KATNAL1: variants seen among roughly 807,000 people sequenced by gnomAD.
The protein encoded by KATNAL1 is katanin catalytic subunit A1 like 1.
In KATNAL1, 32 loss-of-function variants were observed where a neutral mutation model predicts 55.2. The observed-to-expected ratio is 0.58, with a 90% confidence interval of 0.44 to 0.78. The LOEUF (loss-of-function observed/expected upper bound fraction) is 0.78. Ranked by LOEUF, KATNAL1 falls within the 30% of genes least tolerant of loss-of-function variation. The pLI is 0.00. For synonymous variants in KATNAL1, 193 were observed against 193.6 expected (o/e 1.00, Z 0.02); for missense variants, 466 against 600.9 (o/e 0.78, Z 2.35).
In KATNAL1 at chr13:30,207,785, C is replaced by T. The variant is rs1873289255; in HGVS notation, c.*755G>A. On this transcript the variant is annotated 3_prime_UTR_variant, in exon 11 of 11. Transcript: ENST00000380615. ...TCACGCACACACAAAAAAGTGAAAA[C>T]AAACTTGGAAGTCTAGAATGAAGAA... The T allele has an allele frequency of 6.6e-6, 1 of 152,100 alleles. No individual in the cohort carries two copies. The highest frequency in any genetic ancestry group is 1.5e-5 in the Non-Finnish European group (1 of 68,010). 9.4% of individuals were successfully genotyped at this position (152,100 alleles called of 1,614,324 possible). A position where few individuals can be genotyped will look rare whatever the true frequency, so the allele number is the denominator to read the frequency against.
At chr13:30,252,891 C>T (rs979803883) in intron 4 of KATNAL1, among the ~76,000 whole-genome samples, 1 of 152,156 alleles carries the variant, frequency 6.6e-6, no homozygotes, top group Non-Finnish European at 1.5e-5. Flanking sequence ...GGATTACAGG[C>T]ATGCACCACC....
intron 6 of KATNAL1, among the ~76,000 whole-genome samples, chr13:30,232,180 C>T (rs1377836632): frequency 1.3e-5 from 2 of 152,182 alleles, no homozygotes; most frequent in African/African-American, 2.4e-5. Flanking sequence ...AAGAATCCAA[C>T]TCTCTAGTCT....
chr13:30,223,951 A>G (rs550535700), intron 9 of KATNAL1, among the ~76,000 whole-genome samples: 2 of 152,358 alleles, frequency 1.3e-5, no homozygotes, highest in East Asian at 3.9e-4. Flanking sequence ...GACAGACTAT[A>G]TGCTGAATCA....
At chr13:30,252,853 T>C (rs1389832457) in intron 4 of KATNAL1, among the ~76,000 whole-genome samples, 1 of 152,176 alleles carries the variant, frequency 6.6e-6, no homozygotes, top group Non-Finnish European at 1.5e-5. Flanking sequence ...TTCAAGCGAT[T>C]CTCATGCCTC....
At chr13:30,223,769 A>G (rs1300245522) in intron 9 of KATNAL1, among the ~76,000 whole-genome samples, 1 of 152,218 alleles carries the variant, frequency 6.6e-6, no homozygotes, top group African/African-American at 2.4e-5. Context: ...ATAGATGAAG[A>G]TTTCCATAAG....
chr13:30,245,506 C>T (rs1195103255), intron 4 of KATNAL1, among the ~76,000 whole-genome samples: 1 of 152,128 alleles, frequency 6.6e-6, no homozygotes, highest in Non-Finnish European at 1.5e-5. Context: ...GACAAGGATG[C>T]CCTCTCTCAC....
chr13:30,210,442 G>C lies in KATNAL1; in HGVS notation c.1148C>G (p.Ala383Gly). ...CTTCAGAAGCTCAGCTCTTCCTTTTGCTGTTACAAGATTTTGGTGGTGTTG... is the reference window on the plus strand; with the variant it reads ...CTTCAGAAGCTCAGCTCTTCCTTTTCCTGTTACAAGATTTTGGTGGTGTTG... ...EKRIYIPLPT[A>G]KGRAELLKIN... The change falls in exon 10 of 11, where the codon GCA becomes GGA. Residue 383 changes from alanine to glycine, a missense_variant and splice_region_variant. Coordinates refer to ENST00000380615, the MANE Select transcript of KATNAL1 (RefSeq NM_032116.5). 3 of 1,594,630 alleles carry C rather than the reference G, an allele frequency of 1.9e-6. No homozygotes were observed. Among genetic ancestry groups the C allele is most frequent in the Non-Finnish European group, 2.6e-6 (3 of 1,173,772 alleles).
chr13:30,256,658 C>T (rs186603252), intron 3 of KATNAL1, among the ~76,000 whole-genome samples: 10 of 151,166 alleles, frequency 6.6e-5, no homozygotes, highest in Admixed American at 6.6e-4. Flanking sequence ...GGATAAAAAG[C>T]CATGAAGGTT....
intron 1 of KATNAL1, among the ~76,000 whole-genome samples, chr13:30,293,177 G>C (rs950196746): frequency 2.6e-5 from 4 of 151,722 alleles, no homozygotes; most frequent in African/African-American, 9.7e-5. Context: ...CCAGGAATTA[G>C]ACTTCCTCAG....
rs1872976298 is a variant in KATNAL1 at position 30,204,971 on chromosome 13, A to G, written c.*3569T>C. 6.6e-6 allele frequency: 1 copy of G among 152,272 alleles called. No individual in the cohort carries two copies. The highest frequency in any genetic ancestry group is 1.9e-4 in the East Asian group (1 of 5,182). 9.4% of individuals were successfully genotyped at this position (152,272 alleles called of 1,614,324 possible). ...CATTAAAGAGGTGTTTATTTTACTA[A>G]TATTAATTTCCTTTAAAAAAAGAAA... On this transcript the variant is annotated 3_prime_UTR_variant, in exon 11 of 11. Coordinates refer to ENST00000380615, the MANE Select transcript of KATNAL1 (RefSeq NM_032116.5).
In KATNAL1 at chr13:30,205,173, C is replaced by A. The variant is rs1421324307; in HGVS notation, c.*3367G>T. 6.6e-6 allele frequency: 1 copy of A among 152,200 alleles called. No homozygotes were observed. Among genetic ancestry groups the A allele is most frequent in the East Asian group, 1.9e-4 (1 of 5,178 alleles). The allele number at this position is 152,200 out of a possible 1,614,324, so 9.4% of individuals were successfully genotyped here. A position where few individuals can be genotyped will look rare whatever the true frequency, so the allele number is the denominator to read the frequency against. On this transcript the variant is annotated 3_prime_UTR_variant, in exon 11 of 11. Transcript: ENST00000380615. ...AAGTGCAAAAAATAGGGGAAAAAAA[C>A]TTTTATATATTTTTCCAAAGCACAA...
intron 3 of KATNAL1, among the ~76,000 whole-genome samples, chr13:30,278,501 A>G (rs1881035295): frequency 6.6e-6 from 1 of 152,240 alleles, no homozygotes; most frequent in Non-Finnish European, 1.5e-5. Context: ...CTGTAGTGAT[A>G]TGTTTTGAGA....
intron 10 of KATNAL1, among the ~76,000 whole-genome samples, chr13:30,209,930 C>T (rs968231161): frequency 2.6e-5 from 4 of 152,038 alleles, no homozygotes; most frequent in South Asian, 2.1e-4. Context: ...TACAGGTGTC[C>T]GCCACCACAC....
In KATNAL1 at chr13:30,277,741, TG is replaced by T. The variant is rs1880948936; in HGVS notation, c.323+2321del. Among the ~76,000 whole-genome samples, 3 of 152,054 alleles carry T rather than the reference TG, an allele frequency of 2.0e-5. No homozygotes were observed. In the South Asian group the frequency reaches 6.2e-4, roughly 31 times the overall value. On this transcript the variant is annotated intron_variant, in intron 3 of 10. Coordinates refer to ENST00000380615, the MANE Select transcript of KATNAL1 (RefSeq NM_032116.5). ...GCTCACGCCTGTAATCCCAGCACTT[TG>T]GGAGGCCGAGGCGGGCGGATCACGA... is the stretch of plus-strand genomic sequence containing the variant.
chr13:30,218,284 A>G (rs1244226780), intron 9 of KATNAL1, among the ~76,000 whole-genome samples: 1 of 151,726 alleles, frequency 6.6e-6, no homozygotes, highest in African/African-American at 2.4e-5. Flanking sequence ...TGAAAGGACT[A>G]TAATACCTTG....
intron 9 of KATNAL1, 35 bp downstream of exon 9, chr13:30,227,377 G>C (rs370473174): frequency 6.3e-6 from 10 of 1,585,900 alleles, no homozygotes; most frequent in Middle Eastern, 1.7e-4. Flanking sequence ...GTAACAAAAA[G>C]TAACAGAAAG....
chr13:30,251,244 C>T (rs1433051524), intron 4 of KATNAL1, among the ~76,000 whole-genome samples: 2 of 102,822 alleles, frequency 1.9e-5, no homozygotes, highest in African/African-American at 6.2e-5. Context: ...TTAGATTATC[C>T]TTCTTAAGTA....
chr13:30,260,799 G>T (rs529895234), intron 3 of KATNAL1, among the ~76,000 whole-genome samples: 1 of 147,854 alleles, frequency 6.8e-6, no homozygotes, highest in South Asian at 2.1e-4. Flanking sequence ...CACTCTGCAG[G>T]ATATCATCCA....
At chr13:30,266,183 G>A (rs1879769965) in intron 3 of KATNAL1, among the ~76,000 whole-genome samples, 1 of 151,760 alleles carries the variant, frequency 6.6e-6, no homozygotes, top group African/African-American at 2.4e-5. Flanking sequence ...CTGTATTTTT[G>A]TGGAGACAGG....
Sources: gnomAD v4.1 joint callset for allele counts (sites outside exome capture counted in the v4.1 genomes callset) on GRCh38, gnomAD v4.1.1 for gene constraint, MANE v1.5 for transcripts, NCBI Gene and HGNC (gene_info 2026-07-23, HGNC 2026-07-21) for gene names.